The following MYOF variants were observed in gnomAD, a reference collection of about 807,000 sequenced individuals.
MYOF encodes fer-1-like 3, myoferlin.
In MYOF, 244 loss-of-function variants were observed where a neutral mutation model predicts 284.2. The observed-to-expected ratio is 0.86, with a 90% CI of 0.77 to 0.95. MYOF has a LOEUF of 0.95. Among genes scored for constraint, MYOF ranks in the 40% least tolerant of loss-of-function variants. The probability of loss-of-function intolerance (pLI) is 0.00; values close to 1 mark genes in which losing one functional copy is unlikely to be tolerated. For synonymous variants in MYOF, 904 were observed against 919.7 expected (o/e 0.98, Z 0.31); for missense variants, 2,496 against 2,560.6 (o/e 0.97, Z 0.54).
Position 93,477,379 on chromosome 10 carries a change from CT to C in MYOF, c.88+4727del, listed in dbSNP as rs537717948. Among the ~76,000 whole-genome samples, 366 of 152,062 alleles carry C rather than the reference CT, an allele frequency of 2.4e-3. 1 individual carries two copies. The highest frequency in any genetic ancestry group is 8.6e-3 in the African/African-American group (356 of 41,466). ...TGGTGGCGCATGCCTGTAATCCCAG[CT>C]ACTCGGGAGACTGAGGCAGGAGAAT... On this transcript the variant is annotated intron_variant, in intron 1 of 53. Coordinates refer to ENST00000359263, the MANE Select transcript of MYOF (RefSeq NM_013451.4).
intron 50 of MYOF, among the ~76,000 whole-genome samples, chr10:93,314,098 A>C (rs185769493): frequency 1.3e-5 from 2 of 151,938 alleles, no homozygotes; most frequent in Admixed American, 1.3e-4. Context: ...TAAGGCATTC[A>C]CTCTTTTTGA....
intron 35 of MYOF, 62 bp from the exon 36 acceptor site, chr10:93,350,031 G>C: frequency 6.6e-7 from 1 of 1,508,186 alleles, no homozygotes; most frequent in Non-Finnish European, 9.0e-7. Flanking sequence ...ATATTCAAAA[G>C]GAAAAATTCT....
chr10:93,471,683 G>A (rs577361962), intron 1 of MYOF, among the ~76,000 whole-genome samples: 194 of 152,330 alleles, frequency 1.3e-3, no homozygotes, highest in African/African-American at 4.6e-3. Context: ...GAGGTCAGGA[G>A]ATCGAGACCA....
At chr10:93,381,195 G>T (rs1217973533) in intron 20 of MYOF, 24 bp downstream of exon 20, 2 of 1,613,096 alleles carry the variant, frequency 1.2e-6, no homozygotes, top group East Asian at 2.2e-5. Flanking sequence ...AACGTGTGGA[G>T]AGAACTGTTA....
intron 19 of MYOF, among the ~76,000 whole-genome samples, chr10:93,382,267 C>T (rs1281364674): frequency 1.3e-5 from 2 of 151,438 alleles, no homozygotes; most frequent in African/African-American, 4.9e-5. Flanking sequence ...GAGACAGGGT[C>T]TCATGCTGTC....
At chr10:93,350,815 C>T (rs1178324609) in intron 35 of MYOF, among the ~76,000 whole-genome samples, 2 of 152,158 alleles carry the variant, frequency 1.3e-5, no homozygotes, top group African/African-American at 4.8e-5. Flanking sequence ...TTGTATCTGA[C>T]ATGTCAACAT....
chr10:93,311,135 ATGAG>A (rs1312098926), intron 51 of MYOF, among the ~76,000 whole-genome samples: 9 of 152,302 alleles, frequency 5.9e-5, no homozygotes, highest in South Asian at 2.1e-4. Context: ...AAATGAATGA[ATGAG>A]TGAGTGAATG....
intron 53 of MYOF, among the ~76,000 whole-genome samples, 197 bp from the exon 54 acceptor site, chr10:93,307,198 C>CCCCCAA (rs1252950133): frequency 9.1e-4 from 138 of 151,394 alleles, no homozygotes; most frequent in Non-Finnish European, 1.1e-3. Context: ...ACCCCCCCGC[C>CCCCCAA]AAGTTGTTGC....
At position 93,418,063 on chromosome 10, in the gene MYOF, A is replaced by G. The variant is rs117053360; in HGVS notation, c.433+8008T>C. On this transcript the variant is annotated intron_variant, in intron 5 of 53. Coordinates refer to ENST00000359263, the MANE Select transcript of MYOF (RefSeq NM_013451.4). The stretch of plus-strand genomic sequence containing the variant: ...GTGATCCTCCTGCCTCGGCCTCCCA[A>G]AGTCCTGGTATTTCAGGCATGAGCC... Among the ~76,000 whole-genome samples, 935 of 152,252 alleles carry G rather than the reference A, an allele frequency of 6.1e-3. 9 individuals carry two copies. The highest frequency in any genetic ancestry group is 0.027 in the Middle Eastern group (8 of 294).
At chr10:93,319,796 C>T (rs971776011) in intron 49 of MYOF, 76 bp downstream of exon 49, 10 of 1,591,210 alleles carry the variant, frequency 6.3e-6, no homozygotes, top group Admixed American at 3.4e-5. Flanking sequence ...TCCTGAGCAG[C>T]TCCAGCATTC....
Position 93,333,254 on chromosome 10 carries a change from T to C in MYOF, c.4778A>G (p.Tyr1593Cys), listed in dbSNP as rs1459008583. ...GACTGGGTTGAGAGTGTTGGGAATGTAGTGATCTCGGTCTTCAATGACTTT... is the reference window on the plus strand; with the variant it reads ...GACTGGGTTGAGAGTGTTGGGAATGCAGTGATCTCGGTCTTCAATGACTTT... ...GKKVIEDRDH[Y>C]IPNTLNPVFG... The change falls in exon 43 of 54, where the codon TAC becomes TGC. Residue 1593 changes from tyrosine to cysteine, a missense_variant. Physicochemically the swap from Tyr to Cys is radical, Grantham distance 194. This residue lies in a region of MYOF where 2,436 missense variants were observed against 2,480.7 expected (regional missense o/e 0.98). Transcript: ENST00000359263. 6 of 1,614,206 alleles carry C rather than the reference T, an allele frequency of 3.7e-6. 1 individual carries two copies. In the South Asian group the frequency reaches 5.5e-5, roughly 15 times the overall value.
At chr10:93,407,285 G>A (rs899575179) in intron 7 of MYOF, among the ~76,000 whole-genome samples, 1 of 151,836 alleles carries the variant, frequency 6.6e-6, no homozygotes, top group African/African-American at 2.4e-5. Context: ...TATTAGCTGA[G>A]CGTGGTGGTG....
chr10:93,340,203 A>G, intron 38 of MYOF, 39 bp from the exon 39 acceptor site: 6 of 1,613,068 alleles, frequency 3.7e-6, no homozygotes, highest in Non-Finnish European at 5.1e-6. Flanking sequence ...AGGGCAAACC[A>G]TATAACAGGT....
intron 43 of MYOF, among the ~76,000 whole-genome samples, chr10:93,331,703 C>A (rs10786087): frequency 3.1e-5 from 1 of 31,794 alleles, no homozygotes. Context: ...ATGCGGGGGG[C>A]GTAGGGGGGG....
chr10:93,456,853 A>C (rs764302098), intron 2 of MYOF, 29 bp downstream of exon 2: 1 of 1,542,602 alleles, frequency 6.5e-7, no homozygotes, highest in East Asian at 2.2e-5. Context: ...TTATCTATTA[A>C]AACAAAGTTG....
At chr10:93,471,500 G>A (rs1019629085) in intron 1 of MYOF, among the ~76,000 whole-genome samples, 1 of 152,136 alleles carries the variant, frequency 6.6e-6, no homozygotes, top group African/African-American at 2.4e-5. Context: ...CAGTGAAGAC[G>A]CATGGACCAT....
intron 1 of MYOF, among the ~76,000 whole-genome samples, chr10:93,468,764 C>A (rs914650539): frequency 6.6e-6 from 1 of 152,194 alleles, no homozygotes; most frequent in South Asian, 2.1e-4. Context: ...CACCTCTGGG[C>A]GCTTTAGCAA....
At chr10:93,456,710 T>C (rs1238933515) in intron 2 of MYOF, among the ~76,000 whole-genome samples, 172 bp downstream of exon 2, 1 of 152,166 alleles carries the variant, frequency 6.6e-6, no homozygotes, top group African/African-American at 2.4e-5. Context: ...GCTGGTGAGC[T>C]ACTCTCCTTG....
Position 93,465,174 on chromosome 10 carries a change from G to A in MYOF, c.89-8237C>T, listed in dbSNP as rs529053274. On this transcript the variant is annotated intron_variant, in intron 1 of 53. Transcript: ENST00000359263. ...CAGAGAGGTTAAGCAACTTATTAGA[G>A]GTCATACAGCTAGTAAGTGATGGAG... Among the ~76,000 whole-genome samples the A allele has an allele frequency of 7.2e-5, 11 of 152,272 alleles. No individual in the cohort carries two copies. In the South Asian group the frequency reaches 1.5e-3, roughly 20 times the overall value.
Sources: gnomAD v4.1 joint callset for allele counts (sites outside exome capture counted in the v4.1 genomes callset) on GRCh38, gnomAD v4.1.1 for gene constraint, gnomAD v4.1.1 regional missense constraint, MANE v1.5 for transcripts, NCBI Gene and HGNC (gene_info 2026-07-23, HGNC 2026-07-21) for gene names.